The following NFASC variants were observed in gnomAD, a reference collection of about 807,000 sequenced individuals.
NFASC encodes neurofascin homolog.
Under a neutral mutation model 147.5 loss-of-function variants are expected in NFASC, and 43 were observed. The observed-to-expected ratio is 0.29, with a 90% CI of 0.23 to 0.38. NFASC has a LOEUF of 0.38. NFASC is among the 10% of genes least tolerant of loss of function. The pLI is 1.00. For synonymous variants in NFASC, 622 were observed against 665.5 expected (o/e 0.93, Z 1.01); for missense variants, 1,320 against 1,689.0 (o/e 0.78, Z 3.83).
intron 2 of NFASC, among the ~76,000 whole-genome samples, chr1:204,932,657 C>T (rs911923205): frequency 6.6e-6 from 1 of 152,218 alleles, no homozygotes; most frequent in South Asian, 2.1e-4. Flanking sequence ...CACGCCTGTT[C>T]ACTCACTGTC....
rs1197210771 is a variant in NFASC, at chr1:204,954,975, G to T, written c.535+24G>T. The stretch of plus-strand genomic sequence containing the variant: ...CTGTGAGTCTTGGGGGCCTGGTGTT[G>T]TGTTTATATCTTAACCTTAGGGGGT... On this transcript the variant is annotated intron_variant, in intron 7 of 29. Transcript: ENST00000339876. This position sits in a 1 kb window ranked among gnomAD's most constrained non-coding sequence, Gnocchi z 5.7. 1 of 1,611,348 alleles carries T rather than the reference G, an allele frequency of 6.2e-7. No homozygotes were observed. Among genetic ancestry groups the T allele is most frequent in the Non-Finnish European group, 8.5e-7 (1 of 1,178,438 alleles).
chr1:204,831,085 T>C (rs900432146), intron 1 of NFASC, among the ~76,000 whole-genome samples: 9 of 152,062 alleles, frequency 5.9e-5, no homozygotes, highest in Admixed American at 6.5e-5. Context: ...GGAGAAAGCA[T>C]TACCTGCAGC....
rs2151012229 is a variant in NFASC at position 205,009,549 on chromosome 1, C to T, written c.3290-8C>T. On this transcript the variant is annotated splice_polypyrimidine_tract_variant and splice_region_variant and intron_variant, in intron 27 of 29. Transcript: ENST00000339876. ...ATTCACGGGTTTGCTTCCGGCCCTC[C>T]CCGCCAGCTTACACCAACAACCAAG... 1.2e-6 allele frequency: 2 copies of T among 1,613,960 alleles called. No homozygotes were observed. Among genetic ancestry groups the T allele is most frequent in the Non-Finnish European group, 1.7e-6 (2 of 1,179,868 alleles).
At chr1:204,965,675 G>C (rs2094911857) in intron 8 of NFASC, among the ~76,000 whole-genome samples, 2 of 152,172 alleles carry the variant, frequency 1.3e-5, no homozygotes. Flanking sequence ...AGTTTCACCA[G>C]AGCAGCTCAC....
chr1:204,967,471 C>T (rs1404471847), intron 8 of NFASC, among the ~76,000 whole-genome samples: 2 of 152,152 alleles, frequency 1.3e-5, no homozygotes, highest in Admixed American at 1.3e-4. Context: ...CCTTCAAGAC[C>T]TGCATGAATC....
At chr1:204,940,174 C>T (rs1324043874) in intron 2 of NFASC, among the ~76,000 whole-genome samples, 1 of 152,128 alleles carries the variant, frequency 6.6e-6, no homozygotes, top group African/African-American at 2.4e-5. Context: ...AGCTCAAAGC[C>T]GGGCGCGATG....
intron 3 of NFASC, chr1:204,946,277 T>G: frequency 2.0e-6 from 1 of 503,654 alleles, no homozygotes; most frequent in South Asian, 1.4e-5. Flanking sequence ...GTGAGCTAAG[T>G]GCTGCATGTG....
chr1:204,968,248 G>A lies in NFASC; in HGVS notation c.707-1G>A. 3 of 1,612,862 alleles carry A rather than the reference G, an allele frequency of 1.9e-6. No individual in the cohort carries two copies. Among genetic ancestry groups the A allele is most frequent in the Non-Finnish European group, 2.5e-6 (3 of 1,178,800 alleles). On this transcript the variant is annotated splice_acceptor_variant, in intron 8 of 29. Transcript: ENST00000339876. LOFTEE classifies it high-confidence loss of function. This position sits in a 1 kb window ranked among gnomAD's most constrained non-coding sequence, Gnocchi z 5.4. ...TGGGAGTTTGTTCTCTCCTGTTTCAGCCCGAGGAGTTGCAGAAAGAACACC... is the reference window on the plus strand; with the variant it reads ...TGGGAGTTTGTTCTCTCCTGTTTCAACCCGAGGAGTTGCAGAAAGAACACC...
intron 1 of NFASC, among the ~76,000 whole-genome samples, chr1:204,833,103 G>A (rs1371670007): frequency 6.6e-6 from 1 of 152,228 alleles, no homozygotes; most frequent in Non-Finnish European, 1.5e-5. Flanking sequence ...TGGTTAGATT[G>A]TGCCAGCTTG....
intron 24 of NFASC, among the ~76,000 whole-genome samples, chr1:204,996,923 G>A (rs1394683386): frequency 6.6e-6 from 1 of 152,066 alleles, no homozygotes; most frequent in Non-Finnish European, 1.5e-5. Flanking sequence ...GTGCATGCTG[G>A]GTGTTTCGAG....
At chr1:204,889,110 T>C (rs1001516242) in intron 1 of NFASC, among the ~76,000 whole-genome samples, 1 of 152,260 alleles carries the variant, frequency 6.6e-6, no homozygotes, top group African/African-American at 2.4e-5. Flanking sequence ...TCGAGGTTTC[T>C]GCCTGTCTGC....
At position 204,876,996 on chromosome 1, in the gene NFASC, GTATATATATA is replaced by G. The variant is rs60582969; in HGVS notation, c.-199-43613_-199-43604del. Among the ~76,000 whole-genome samples the G allele has an allele frequency of 2.5e-4, 19 of 74,656 alleles. 1 individual carries two copies. The highest frequency in any genetic ancestry group is 6.0e-3 in the Middle Eastern group (1 of 168). 49.0% of individuals were successfully genotyped at this position (74,656 alleles called of 152,430 possible). The stretch of plus-strand genomic sequence containing the variant: ...TATGCCAAATGAGTTGGCTAAATAT[GTATATATATA>G]TATATATATATATATATATATAATA... On this transcript the variant is annotated intron_variant, in intron 1 of 29. Transcript: ENST00000339876.
chr1:204,865,511 A>G (rs1421972217), intron 1 of NFASC, among the ~76,000 whole-genome samples: 1 of 152,204 alleles, frequency 6.6e-6, no homozygotes, highest in Non-Finnish European at 1.5e-5. Flanking sequence ...CAGTTTTCCT[A>G]GCACCATTTG....
At chr1:204,942,061 T>G (rs1485643299) in intron 2 of NFASC, among the ~76,000 whole-genome samples, 1 of 152,216 alleles carries the variant, frequency 6.6e-6, no homozygotes, top group Admixed American at 6.5e-5. Context: ...ATCTGCTATG[T>G]TTTAGGTACT....
At chr1:204,887,305 A>G (rs2081480686) in intron 1 of NFASC, among the ~76,000 whole-genome samples, 1 of 152,232 alleles carries the variant, frequency 6.6e-6, no homozygotes, top group African/African-American at 2.4e-5. Context: ...TTCAAGGTTC[A>G]TCCAGGTTGT....
At chr1:204,983,896 G>A (rs2095555835) in intron 21 of NFASC, 6 of 627,746 alleles carry the variant, frequency 9.6e-6, no homozygotes, top group East Asian at 2.8e-5. Context: ...TCTCATGGAG[G>A]AGATATGGCC....
intron 24 of NFASC, among the ~76,000 whole-genome samples, chr1:204,994,932 A>T (rs1249846078): frequency 3.3e-5 from 5 of 151,888 alleles, no homozygotes; most frequent in Admixed American, 6.6e-5. Flanking sequence ...GGGTTCCATG[A>T]CAAAACCCCA....
intron 2 of NFASC, among the ~76,000 whole-genome samples, chr1:204,929,788 CCT>C (rs2092166271): frequency 6.6e-6 from 1 of 152,174 alleles, no homozygotes; most frequent in Admixed American, 6.5e-5. Flanking sequence ...TCCAGAGATC[CCT>C]CTTTCTCCAC....
intron 1 of NFASC, among the ~76,000 whole-genome samples, chr1:204,849,958 G>A: frequency 6.6e-6 from 1 of 152,186 alleles, no homozygotes; most frequent in East Asian, 1.9e-4. Context: ...CACTGTGACG[G>A]TACTTAGACA....
Sources: allele counts gnomAD v4.1 joint callset (sites outside exome capture counted in the v4.1 genomes callset), GRCh38; gene constraint gnomAD v4.1.1; non-coding constraint Gnocchi (gnomAD v3.1); transcripts MANE v1.5; gene names NCBI Gene and HGNC (gene_info 2026-07-23, HGNC 2026-07-21).